The following NPAS3 variants were observed in gnomAD, a reference collection of about 807,000 sequenced individuals.
NPAS3 encodes the protein neuronal PAS domain protein 3, also known as neuronal PAS domain-containing protein 3.
Under a neutral mutation model 73.1 loss-of-function variants are expected in NPAS3, and 14 were observed. The ratio of observed to expected loss-of-function variants is 0.19; its 90% CI spans 0.13 to 0.30. The LOEUF is 0.30. NPAS3 is among the 10% of genes least tolerant of loss of function. The probability of loss-of-function intolerance (pLI) is 1.00; values close to 1 mark genes in which losing one functional copy is unlikely to be tolerated. For synonymous variants in NPAS3, 620 were observed against 541.5 expected, an observed-to-expected ratio of 1.14 and a Z score of -2.01; for missense variants, 1,096 against 1,250.0, an observed-to-expected ratio of 0.88 and a Z score of 1.86.
intron 3 of NPAS3, among the ~76,000 whole-genome samples, chr14:33,337,005 C>T (rs1463796277): frequency 6.6e-6 from 1 of 152,080 alleles, no homozygotes; most frequent in African/African-American, 2.4e-5. Context: ...ATATGATTAG[C>T]AAATATTTTC....
intron 1 of NPAS3, among the ~76,000 whole-genome samples, chr14:33,053,514 G>A (rs948321827): frequency 6.6e-6 from 1 of 152,162 alleles, no homozygotes; most frequent in Non-Finnish European, 1.5e-5. Context: ...ATAGTTTCAC[G>A]ATTGAAAGGC....
intron 4 of NPAS3, among the ~76,000 whole-genome samples, chr14:33,430,921 G>A (rs935420353): frequency 2.0e-5 from 3 of 152,174 alleles, no homozygotes; most frequent in Admixed American, 1.3e-4. Flanking sequence ...ATTTGCCAAA[G>A]TCTGTCTGGC....
intron 3 of NPAS3, among the ~76,000 whole-genome samples, chr14:33,330,370 C>G (rs1223982494): frequency 2.0e-5 from 3 of 152,194 alleles, no homozygotes; most frequent in Non-Finnish European, 4.4e-5. Context: ...TGAATGATCT[C>G]CAGATTCATT....
intron 5 of NPAS3, among the ~76,000 whole-genome samples, chr14:33,571,375 G>A (rs756032165): frequency 3.7e-4 from 56 of 152,158 alleles, no homozygotes; most frequent in Non-Finnish European, 6.9e-4. Flanking sequence ...GGTAGGGCTC[G>A]AGGAGGGGAG....
At chr14:33,610,522 C>G (rs1488603391) in intron 5 of NPAS3, among the ~76,000 whole-genome samples, 1 of 152,056 alleles carries the variant, frequency 6.6e-6, no homozygotes, top group Non-Finnish European at 1.5e-5. Context: ...AAAACAAAAT[C>G]TCTTTATGAT....
chr14:33,184,132 C>T (rs1223028139), intron 2 of NPAS3, among the ~76,000 whole-genome samples: 1 of 152,198 alleles, frequency 6.6e-6, no homozygotes, highest in East Asian at 1.9e-4. Context: ...CGAAGTCAAA[C>T]ACGCACTTTG....
At chr14:33,077,813 T>C (rs1386142410) in intron 2 of NPAS3, among the ~76,000 whole-genome samples, 1 of 134,798 alleles carries the variant, frequency 7.4e-6, no homozygotes, top group African/African-American at 2.7e-5. Flanking sequence ...TCAATTTATA[T>C]GAAATAGATT....
intron 3 of NPAS3, among the ~76,000 whole-genome samples, chr14:33,224,061 A>T (rs1157180337): frequency 2.0e-5 from 3 of 152,134 alleles, no homozygotes; most frequent in Non-Finnish European, 4.4e-5. Flanking sequence ...ATCACATCCA[A>T]CTTATTTTAA....
chr14:33,581,547 C>G (rs2056662274), intron 5 of NPAS3, among the ~76,000 whole-genome samples: 2 of 152,090 alleles, frequency 1.3e-5, no homozygotes, highest in African/African-American at 4.8e-5. Flanking sequence ...CTTTGTAGCC[C>G]TTTTGTAAAA....
intron 6 of NPAS3, among the ~76,000 whole-genome samples, chr14:33,717,623 C>T (rs1372939330): frequency 6.6e-6 from 1 of 151,816 alleles, no homozygotes; most frequent in Admixed American, 6.6e-5. Context: ...CTTTCTATGC[C>T]CAAGGAAGGA....
At chr14:33,655,259 C>T (rs1198070916) in intron 5 of NPAS3, among the ~76,000 whole-genome samples, 1 of 151,926 alleles carries the variant, frequency 6.6e-6, no homozygotes, top group Non-Finnish European at 1.5e-5. Flanking sequence ...CAAATACACC[C>T]TGTGACCAGC....
At chr14:33,753,226 T>C (rs1487170575) in intron 7 of NPAS3, among the ~76,000 whole-genome samples, 2 of 152,170 alleles carry the variant, frequency 1.3e-5, no homozygotes, top group African/African-American at 4.8e-5. Context: ...TTCCCTTCCA[T>C]GTTCCAATAT....
intron 5 of NPAS3, among the ~76,000 whole-genome samples, chr14:33,628,258 T>A (rs1236131988): frequency 1.3e-5 from 2 of 152,220 alleles, no homozygotes; most frequent in African/African-American, 4.8e-5. Context: ...GGCATACAGC[T>A]CAGATTTTTA....
chr14:33,001,755 A>T (rs146812424), intron 1 of NPAS3, among the ~76,000 whole-genome samples: 20 of 152,058 alleles, frequency 1.3e-4, no homozygotes, highest in African/African-American at 4.8e-4. Context: ...CCTACCTAGA[A>T]CTCCACCCCG....
At chr14:33,023,389 G>A (rs1035536260) in intron 1 of NPAS3, among the ~76,000 whole-genome samples, 2 of 152,136 alleles carry the variant, frequency 1.3e-5, no homozygotes, top group African/African-American at 2.4e-5. Context: ...TCATTGGAAG[G>A]TGTGACCTAA....
At chr14:33,289,467 CT>C (rs745866500) in intron 3 of NPAS3, among the ~76,000 whole-genome samples, 5 of 152,016 alleles carry the variant, frequency 3.3e-5, no homozygotes, top group Non-Finnish European at 5.9e-5. Flanking sequence ...CTTTTAAAAC[CT>C]GAATGATGGC....
At chr14:32,997,336 A>T (rs1157266354) in intron 1 of NPAS3, among the ~76,000 whole-genome samples, 1 of 152,116 alleles carries the variant, frequency 6.6e-6, no homozygotes, top group Admixed American at 6.6e-5. Context: ...TTAATGCTGA[A>T]ATGAGTTGAG....
At chr14:33,361,034 A>T (rs1460445526) in intron 3 of NPAS3, among the ~76,000 whole-genome samples, 1 of 152,166 alleles carries the variant, frequency 6.6e-6, no homozygotes, top group Non-Finnish European at 1.5e-5. Flanking sequence ...TAATCACCCC[A>T]TATGTAGCCC....
intron 2 of NPAS3, among the ~76,000 whole-genome samples, chr14:33,158,283 G>A (rs1188867949): frequency 6.6e-6 from 1 of 152,166 alleles, no homozygotes; most frequent in Non-Finnish European, 1.5e-5. Context: ...TAAATTGGAA[G>A]CTTCAGGTGG....
Sources: allele counts gnomAD v4.1 joint callset (sites outside exome capture counted in the v4.1 genomes callset), GRCh38; gene constraint gnomAD v4.1.1; transcripts MANE v1.5; gene names NCBI Gene and HGNC (gene_info 2026-07-23, HGNC 2026-07-21).